Variants in CIT observed in about 807,000 individuals in gnomAD.
The protein encoded by CIT is citron Rho-interacting kinase.
CIT carries 79 observed loss-of-function variants against 272.7 expected under a neutral mutation model. The ratio of observed to expected loss-of-function variants is 0.29; its 90% CI spans 0.24 to 0.35. CIT has a LOEUF of 0.35. Among genes scored for constraint, CIT ranks in the 10% least tolerant of loss-of-function variants. The probability of loss-of-function intolerance (pLI) is 1.00; values close to 1 mark genes in which losing one functional copy is unlikely to be tolerated. For synonymous variants in CIT, 948 were observed against 995.6 expected (o/e 0.95, Z 0.90); for missense variants, 1,909 against 2,618.3 (o/e 0.73, Z 5.91).
At chr12:119,831,434 C>A (rs914362115) in intron 7 of CIT, among the ~76,000 whole-genome samples, 19 of 152,110 alleles carry the variant, frequency 1.2e-4, no homozygotes, top group African/African-American at 4.3e-4. Context: ...TTTCCAAGGG[C>A]CTGAACACCA....
chr12:119,850,648 C>A (rs970646040), intron 4 of CIT, among the ~76,000 whole-genome samples: 1 of 152,212 alleles, frequency 6.6e-6, no homozygotes, highest in African/African-American at 2.4e-5. Context: ...TAACATATTT[C>A]TTTAAACTAC....
chr12:119,729,399 T>A (rs1958306625), intron 27 of CIT, among the ~76,000 whole-genome samples: 1 of 152,040 alleles, frequency 6.6e-6, no homozygotes, highest in African/African-American at 2.4e-5. Context: ...TTTATCATAT[T>A]GTTATTTATA....
intron 13 of CIT, among the ~76,000 whole-genome samples, chr12:119,779,376 T>A (rs1964081528): frequency 6.6e-6 from 1 of 152,146 alleles, no homozygotes; most frequent in Non-Finnish European, 1.5e-5. Flanking sequence ...AAAATTAAAA[T>A]TAAAAATTAC....
At chr12:119,850,541 G>T (rs890324368) in intron 4 of CIT, among the ~76,000 whole-genome samples, 1 of 151,486 alleles carries the variant, frequency 6.6e-6, no homozygotes, top group African/African-American at 2.4e-5. Context: ...AAGGGAAGGG[G>T]CTGTCACTTA....
rs761164391 is a variant in CIT, at chr12:119,712,568, G to A, written c.4684+23C>T. ...CCAAGCCCGGCCCACCTCCAGGGCG[G>A]GGCTCCTCCGGCTCCTCCTCACCTG... On this transcript the variant is annotated intron_variant, in intron 36 of 47. Transcript: ENST00000392521. The surrounding 1 kb of genome is among the most constrained non-coding windows in gnomAD (Gnocchi z 5.2). 4.4e-6 allele frequency: 7 copies of A among 1,608,924 alleles called. No homozygotes were observed. The highest frequency in any genetic ancestry group is 3.3e-5 in the South Asian group (3 of 90,950).
intron 2 of CIT, among the ~76,000 whole-genome samples, chr12:119,872,752 G>T (rs960148845): frequency 1.3e-5 from 2 of 152,106 alleles, no homozygotes; most frequent in African/African-American, 4.8e-5. Flanking sequence ...ATGATCTTGG[G>T]CAAGGCCTTA....
chr12:119,835,791 CA>C (rs1968952128), intron 5 of CIT, among the ~76,000 whole-genome samples: 1 of 152,094 alleles, frequency 6.6e-6, no homozygotes, highest in Non-Finnish European at 1.5e-5. Flanking sequence ...GTAAAATCTC[CA>C]GGAAGTGTGC....
intron 9 of CIT, among the ~76,000 whole-genome samples, chr12:119,807,075 G>A (rs774890630): frequency 5.3e-5 from 8 of 152,182 alleles, no homozygotes; most frequent in Non-Finnish European, 8.8e-5. Flanking sequence ...TCAGGAGCTG[G>A]TTAGAATTTA....
chr12:119,825,123 C>T (rs995477942), intron 8 of CIT, 42 bp downstream of exon 8: 12 of 1,560,230 alleles, frequency 7.7e-6, no homozygotes, highest in South Asian at 3.4e-5. Context: ...TTTTAAATAA[C>T]GTTTCTCAAT....
chr12:119,781,287 A>G (rs1566034518), intron 13 of CIT, among the ~76,000 whole-genome samples: 1 of 152,248 alleles, frequency 6.6e-6, no homozygotes, highest in Non-Finnish European at 1.5e-5. Context: ...TTATCAAGCA[A>G]CAGAATATTA....
At chr12:119,815,248 A>AG (rs1418559428) in intron 9 of CIT, among the ~76,000 whole-genome samples, 1 of 151,948 alleles carries the variant, frequency 6.6e-6, no homozygotes, top group Non-Finnish European at 1.5e-5. Context: ...AAAAAAAAAA[A>AG]AAAGCCATAA....
chr12:119,797,835 T>A (rs769928861), intron 10 of CIT, among the ~76,000 whole-genome samples: 1 of 152,162 alleles, frequency 6.6e-6, no homozygotes, highest in Admixed American at 6.5e-5. Context: ...CCAGGACAGA[T>A]GGGAGGCAAA....
chr12:119,833,663 CAAAAAAAAA>C (rs35433156), intron 6 of CIT, among the ~76,000 whole-genome samples: 8 of 83,846 alleles, frequency 9.5e-5, no homozygotes, highest in Admixed American at 1.5e-4. Context: ...GACTCTGTCT[CAAAAAAAAA>C]AAAAAAAAAA....
chr12:119,752,029 G>T (rs1469918961), intron 23 of CIT, 21 bp downstream of exon 23: 8 of 1,597,872 alleles, frequency 5.0e-6, no homozygotes, highest in Non-Finnish European at 6.8e-6. Flanking sequence ...GCAACCTGAA[G>T]ATGTTGCTCC....
At chr12:119,767,439 C>G (rs950557650) in intron 18 of CIT, among the ~76,000 whole-genome samples, 30 of 152,322 alleles carry the variant, frequency 2.0e-4, no homozygotes, top group African/African-American at 6.7e-4. Flanking sequence ...GTCAGTATGA[C>G]AGGTCGAACA....
At chr12:119,772,350 A>G (rs892128749) in intron 17 of CIT, among the ~76,000 whole-genome samples, 6 of 152,228 alleles carry the variant, frequency 3.9e-5, no homozygotes, top group Admixed American at 1.3e-4. Context: ...AGGCCCAAAA[A>G]TATAGATCTG....
intron 10 of CIT, among the ~76,000 whole-genome samples, chr12:119,795,208 C>T (rs1010807925): frequency 2.0e-5 from 3 of 152,102 alleles, no homozygotes; most frequent in Non-Finnish European, 4.4e-5. Flanking sequence ...ATGGTGAAAC[C>T]CAGCCTCTAC....
chr12:119,807,384 T>C (rs1212588034), intron 9 of CIT, among the ~76,000 whole-genome samples: 1 of 152,240 alleles, frequency 6.6e-6, no homozygotes, highest in Non-Finnish European at 1.5e-5. Context: ...AACAAGTATG[T>C]TATCACATAT....
In CIT at chr12:119,697,632, T is replaced by G; in HGVS notation, c.5882+27A>C. The G allele has an allele frequency of 6.2e-7, 1 of 1,609,598 alleles. No individual in the cohort carries two copies. The highest frequency in any genetic ancestry group is 8.5e-7 in the Non-Finnish European group (1 of 1,177,744). ...TTGCAGAAAAGCACGTTGCCCCTGG[T>G]ACTGAGGAAGAGGAGAAGCTGGTTA... On this transcript the variant is annotated intron_variant, in intron 46 of 47. Transcript: ENST00000392521. This position sits in a 1 kb window ranked among gnomAD's most constrained non-coding sequence, Gnocchi z 4.9.
Sources: gnomAD v4.1 joint callset for allele counts (sites outside exome capture counted in the v4.1 genomes callset) on GRCh38, gnomAD v4.1.1 for gene constraint, Gnocchi (gnomAD v3.1) non-coding constraint, MANE v1.5 for transcripts, NCBI Gene and HGNC (gene_info 2026-07-23, HGNC 2026-07-21) for gene names.